Variants in PDE6A observed in about 807,000 individuals in gnomAD.
PDE6A encodes the protein phosphodiesterase 6A, also known as rod cGMP-specific 3',5'-cyclic phosphodiesterase subunit alpha.
In PDE6A, 84 loss-of-function variants were observed where a neutral mutation model predicts 106.3. The observed-to-expected ratio is 0.79, with a 90% CI of 0.66 to 0.95. The LOEUF (loss-of-function observed/expected upper bound fraction) is 0.95, where lower values mean the gene tolerates loss of function less well. Ranked by LOEUF, PDE6A falls within the 40% of genes least tolerant of loss-of-function variation. The probability of loss-of-function intolerance (pLI) is 0.00; values close to 1 mark genes in which losing one functional copy is unlikely to be tolerated. For missense variants in PDE6A, 1,052 were observed against 1,084.9 expected (o/e 0.97, Z 0.43); for synonymous variants, 394 against 386.6 (o/e 1.02, Z -0.23).
intron 4 of PDE6A, among the ~76,000 whole-genome samples, chr5:149,922,597 C>T (rs1165727574): frequency 2.0e-5 from 3 of 152,216 alleles, no homozygotes; most frequent in Non-Finnish European, 4.4e-5. Flanking sequence ...CAGGCATCAG[C>T]CACCATGCCT....
rs202170344 is a variant in PDE6A, at chr5:149,903,176, AAAC to A, written c.1113+469_1113+471del. 6.1e-3 allele frequency among the ~76,000 whole-genome samples: 907 copies of A among 149,500 alleles called. 32 individuals carry two copies. Among genetic ancestry groups the A allele is most frequent in the Admixed American group, 0.04 (588 of 14,832 alleles). ...AAAAAAAAAAAAAAAAAACAAAAGA[AAAC>A]AACAACAACGACAAAACACCTGGCA... On this transcript the variant is annotated intron_variant, in intron 8 of 21. Transcript: ENST00000255266.
chr5:149,900,788 G>A (rs965101893), intron 8 of PDE6A, among the ~76,000 whole-genome samples: 3 of 152,100 alleles, frequency 2.0e-5, no homozygotes, highest in Admixed American at 1.3e-4. Flanking sequence ...CTGGCTGCCC[G>A]TAGCACTCTA....
chr5:149,926,000 G>C (rs957717761), intron 4 of PDE6A, among the ~76,000 whole-genome samples: 1 of 152,150 alleles, frequency 6.6e-6, no homozygotes, highest in African/African-American at 2.4e-5. Context: ...CTAGCACTTT[G>C]AGAGGCCAAG....
intron 6 of PDE6A, 55 bp downstream of exon 6, chr5:149,914,888 T>G: frequency 3.4e-6 from 4 of 1,162,512 alleles, no homozygotes; most frequent in Non-Finnish European, 5.2e-6. Flanking sequence ...ATAAAGCCAA[T>G]TGAGATCTTT....
intron 5 of PDE6A, among the ~76,000 whole-genome samples, chr5:149,920,942 A>AAAAGAAAGAG (rs1554091217): frequency 9.2e-6 from 1 of 108,282 alleles, no homozygotes; most frequent in South Asian, 3.3e-4. Context: ...GAAAGAGAGA[A>AAAAGAAAGAG]AAAGAAAGAA....
intron 19 of PDE6A, chr5:149,867,259 C>G (rs910313059): frequency 4.7e-6 from 1 of 214,230 alleles, no homozygotes; most frequent in Admixed American, 5.1e-5. Context: ...GGGAAGCTGG[C>G]TGACTGTCTC....
At chr5:149,906,523 A>AAAAAAAAAAAAAAAAAAAAAAAAAAAAAG in intron 7 of PDE6A, among the ~76,000 whole-genome samples, 1 of 146,464 alleles carries the variant, frequency 6.8e-6, no homozygotes, top group Non-Finnish European at 1.5e-5. Flanking sequence ...CACTGTCAAA[A>AAAAAAAAAAAAAAAAAAAAAAAAAAAAAG]AAAAAAAAAA....
chr5:149,930,241 A>C (rs928104997), intron 4 of PDE6A, among the ~76,000 whole-genome samples: 1 of 152,232 alleles, frequency 6.6e-6, no homozygotes, highest in Non-Finnish European at 1.5e-5. Flanking sequence ...ACTATATCCA[A>C]GGGCTTTTCC....
At position 149,884,771 on chromosome 5, in the gene PDE6A, T is replaced by C. The variant is rs762398678; in HGVS notation, c.1926+9A>G. 2.9e-5 allele frequency: 46 copies of C among 1,612,606 alleles called. No individual in the cohort carries two copies. The highest frequency in any genetic ancestry group is 3.9e-5 in the Non-Finnish European group (46 of 1,178,780). The stretch of plus-strand genomic sequence containing the variant: ...CCCGCGGCCTGTAGACCCTTGGCCC[T>C]CATCCTACCTCGTCTCTGAGCAGTG... On this transcript the variant is annotated intron_variant, in intron 15 of 21. Transcript: ENST00000255266.
chr5:149,942,687 G>A (rs1245219034), intron 1 of PDE6A, among the ~76,000 whole-genome samples: 3 of 151,944 alleles, frequency 2.0e-5, no homozygotes, highest in African/African-American at 7.3e-5. Context: ...TAGGTGAGGG[G>A]GATGTGGCAG....
intron 1 of PDE6A, among the ~76,000 whole-genome samples, chr5:149,939,218 GT>G (rs1754264538): frequency 6.6e-6 from 1 of 152,164 alleles, no homozygotes; most frequent in Non-Finnish European, 1.5e-5. Context: ...GGCCCCAAAA[GT>G]TTCCAGGGAA....
At chr5:149,931,498 A>T (rs556486678) in intron 3 of PDE6A, among the ~76,000 whole-genome samples, 1 of 152,256 alleles carries the variant, frequency 6.6e-6, no homozygotes, top group Non-Finnish European at 1.5e-5. Context: ...GAAAGAATGC[A>T]CTTATTGCAC....
chr5:149,934,621 A>C lies in PDE6A; in HGVS notation c.572T>G (p.Ile191Arg). ...PIMNGKDVVA[I>R]IMAVNKVDGS... Reference sequence around the variant, plus strand: ...ATCCACTTTATTCACAGCCATGATTATGGCCACCACATCCTTCCCATTCAT... The same window carrying C: ...ATCCACTTTATTCACAGCCATGATTCTGGCCACCACATCCTTCCCATTCAT... Residue 191 changes from isoleucine (I) to arginine (R), a missense_variant, in exon 2 of 22, where the codon ATA becomes AGA. Around this residue, in one of 3 missense-constraint regions of PDE6A, gnomAD observed 913 missense variants for 915.2 expected, o/e 1.00. Transcript: ENST00000255266. The C allele has an allele frequency of 6.2e-7, 1 of 1,614,186 alleles. No homozygotes were observed. Among genetic ancestry groups the C allele is most frequent in the Non-Finnish European group, 8.5e-7 (1 of 1,179,984 alleles).
rs1335504682 is a variant in PDE6A, at chr5:149,867,814, C to A, written c.2200-15G>T. 1.9e-6 allele frequency: 3 copies of A among 1,610,920 alleles called. No homozygotes were observed. Among genetic ancestry groups the A allele is most frequent in the East Asian group, 2.2e-5 (1 of 44,846 alleles). ...AGCAGAGCTACCTGCAACAGACAGA[C>A]CCTCACACACGCAGAGTCAGAGCCC... On this transcript the variant is annotated splice_polypyrimidine_tract_variant and intron_variant, in intron 18 of 21. Transcript: ENST00000255266.
intron 7 of PDE6A, among the ~76,000 whole-genome samples, chr5:149,904,173 G>T (rs1753095388): frequency 6.6e-6 from 1 of 152,168 alleles, no homozygotes; most frequent in South Asian, 2.1e-4. Flanking sequence ...CTTGAACCTG[G>T]GAGGCAGAGG....
chr5:149,862,741 G>A (rs1293595490), intron 21 of PDE6A, among the ~76,000 whole-genome samples: 2 of 152,208 alleles, frequency 1.3e-5, no homozygotes, highest in African/African-American at 4.8e-5. Flanking sequence ...CTGGGAGACA[G>A]AGTGAGACTC....
chr5:149,872,240 A>G (rs1760586820), intron 17 of PDE6A, among the ~76,000 whole-genome samples: 1 of 152,194 alleles, frequency 6.6e-6, no homozygotes, highest in African/African-American at 2.4e-5. Context: ...TCGTTTGTAA[A>G]ATGAGATATT....
At chr5:149,934,758 G>A (rs775045370) in intron 1 of PDE6A, 40 bp from the exon 2 acceptor site, 24 of 1,610,618 alleles carry the variant, frequency 1.5e-5, no homozygotes, top group Non-Finnish European at 1.9e-5. Flanking sequence ...GGCAAATGAA[G>A]AGCAAGAACA....
intron 1 of PDE6A, among the ~76,000 whole-genome samples, chr5:149,938,308 T>C (rs1438677430): frequency 4.6e-5 from 7 of 152,158 alleles, no homozygotes; most frequent in Non-Finnish European, 8.8e-5. Flanking sequence ...TCTAGCCTGC[T>C]AGGTCTCAGG....
Sources: gnomAD v4.1 joint callset for allele counts (sites outside exome capture counted in the v4.1 genomes callset) on GRCh38, gnomAD v4.1.1 for gene constraint, gnomAD v4.1.1 regional missense constraint, MANE v1.5 for transcripts, NCBI Gene and HGNC (gene_info 2026-07-23, HGNC 2026-07-21) for gene names.